The following CSRNP3 variants were observed in gnomAD, a reference collection of about 807,000 sequenced individuals.
CSRNP3 encodes the protein cysteine/serine-rich nuclear protein 3.
Under a neutral mutation model 48.0 loss-of-function variants are expected in CSRNP3, and 12 were observed. The ratio of observed to expected loss-of-function variants is 0.25; its 90% confidence interval spans 0.16 to 0.41. The LOEUF is 0.41. CSRNP3 is among the 10% of genes least tolerant of loss of function. CSRNP3 has a pLI of 1.00. For synonymous variants in CSRNP3, 263 were observed against 269.7 expected (o/e 0.98, Z 0.24); for missense variants, 580 against 724.4 (o/e 0.80, Z 2.29).
chr2:165,540,113 G>A (rs1390617314), intron 3 of CSRNP3, among the ~76,000 whole-genome samples: 1 of 152,096 alleles, frequency 6.6e-6, no homozygotes, highest in African/African-American at 2.4e-5. Context: ...CTGGATAGCA[G>A]AGTGCATGTC....
At chr2:165,518,733 C>A (rs1047615134) in intron 3 of CSRNP3, among the ~76,000 whole-genome samples, 3 of 151,880 alleles carry the variant, frequency 2.0e-5, no homozygotes, top group Admixed American at 6.6e-5. Flanking sequence ...AAAATGTGAT[C>A]TTTCATTTTG....
intron 3 of CSRNP3, among the ~76,000 whole-genome samples, chr2:165,546,745 A>G (rs1685035391): frequency 6.6e-6 from 1 of 152,202 alleles, no homozygotes; most frequent in Non-Finnish European, 1.5e-5. Context: ...AAAATAATAG[A>G]TACATATCTT....
chr2:165,655,816 A>C lies in CSRNP3; in HGVS notation c.149-1945A>C, dbSNP rs370392944. Among the ~76,000 whole-genome samples the C allele has an allele frequency of 3.2e-4, 48 of 152,236 alleles. No homozygotes were observed. In the East Asian group the frequency reaches 3.7e-3, roughly 12 times the overall value. ...CACGGTGTTCTTTCTGTGTCTCTTC[A>C]CATCATCTTCCCTCTACGCATGTCT... On this transcript the variant is annotated intron_variant, in intron 4 of 6. Coordinates refer to ENST00000651982, the MANE Select transcript of CSRNP3 (RefSeq NM_001172173.2).
intron 3 of CSRNP3, among the ~76,000 whole-genome samples, chr2:165,542,408 G>A (rs970249533): frequency 9.2e-5 from 14 of 152,164 alleles, no homozygotes; most frequent in Non-Finnish European, 1.8e-4. Flanking sequence ...GTCTGTACGT[G>A]TGTACGTATG....
At chr2:165,659,878 A>G (rs1302040471) in intron 5 of CSRNP3, among the ~76,000 whole-genome samples, 2 of 152,202 alleles carry the variant, frequency 1.3e-5, no homozygotes, top group Non-Finnish European at 2.9e-5. Flanking sequence ...TTTGCAATGT[A>G]TGTACGTGCC....
In CSRNP3 at chr2:165,529,207, G is replaced by A. The variant is rs751385663; in HGVS notation, c.-24+11246G>A. On this transcript the variant is annotated intron_variant, in intron 3 of 6. Coordinates refer to ENST00000651982, the MANE Select transcript of CSRNP3 (RefSeq NM_001172173.2). ...GGGGAACTGTTGGGAAGGCATAATT[G>A]GTTTTGAAATGTGAGGACATGAGAT... Among the ~76,000 whole-genome samples, 10 of 152,312 alleles carry A rather than the reference G, an allele frequency of 6.6e-5. No individual in the cohort carries two copies. The Middle Eastern group carries it at 0.024, about 363-fold the overall frequency.
chr2:165,505,147 A>G lies in CSRNP3; in HGVS notation c.-113+10219A>G, dbSNP rs149674787. On this transcript the variant is annotated intron_variant, in intron 2 of 6. Coordinates refer to ENST00000651982, the MANE Select transcript of CSRNP3 (RefSeq NM_001172173.2). ...CATTCTTCAAACAAAATGTTTCTTG[A>G]CAAGTAAGATCTGATTCTCAGTTTT... Among the ~76,000 whole-genome samples the G allele has an allele frequency of 3.8e-3, 575 of 152,246 alleles. 2 individuals carry two copies. Among genetic ancestry groups the G allele is most frequent in the African/African-American group, 0.013 (531 of 41,564 alleles).
chr2:165,577,295 T>C (rs113350964), intron 3 of CSRNP3, among the ~76,000 whole-genome samples: 299 of 151,948 alleles, frequency 2.0e-3, no homozygotes, highest in African/African-American at 6.8e-3. Flanking sequence ...ATTCTAGAAT[T>C]TACATAAAAT....
Position 165,679,568 on chromosome 2 carries a change from A to G in CSRNP3, c.1573A>G (p.Asn525Asp). ...TAGTTTATATCCTGAACACAGGTCC[A>G]ATCACCCTCAAGTGGAATTTCACTC... ...CNSLYPEHRS[N>D]HPQVEFHSYL... is the part of the protein sequence containing the mutation. The change falls in exon 7 of 7, where the codon AAT (asparagine) becomes GAT (aspartate). Residue 525 changes from asparagine (N) to aspartate (D), a missense_variant. Asn to Asp is a conservative substitution (Grantham distance 23). Coordinates refer to ENST00000651982, the MANE Select transcript of CSRNP3 (RefSeq NM_001172173.2). 5.6e-6 allele frequency: 9 copies of G among 1,613,954 alleles called. No homozygotes were observed. Among genetic ancestry groups the G allele is most frequent in the Non-Finnish European group, 7.6e-6 (9 of 1,179,960 alleles).
chr2:165,551,021 C>T (rs1685089442), intron 3 of CSRNP3, among the ~76,000 whole-genome samples: 1 of 151,812 alleles, frequency 6.6e-6, no homozygotes, highest in Admixed American at 6.6e-5. Flanking sequence ...TCTACTTTTC[C>T]TTACCTTTTT....
intron 1 of CSRNP3, among the ~76,000 whole-genome samples, chr2:165,486,188 G>A (rs893539687): frequency 9.9e-5 from 15 of 152,150 alleles, no homozygotes; most frequent in Non-Finnish European, 4.4e-5. Flanking sequence ...GGTGACGGAC[G>A]CACCTGGAAA....
chr2:165,554,826 A>G (rs760552879), intron 3 of CSRNP3, among the ~76,000 whole-genome samples: 1 of 152,084 alleles, frequency 6.6e-6, no homozygotes, highest in Non-Finnish European at 1.5e-5. Flanking sequence ...CACTGACTCT[A>G]TTTCACTCAG....
At chr2:165,587,453 G>GCCCCTTCA in intron 3 of CSRNP3, among the ~76,000 whole-genome samples, 1 of 152,342 alleles carries the variant, frequency 6.6e-6, no homozygotes, top group South Asian at 2.1e-4. Flanking sequence ...CTCCCTCTCG[G>GCCCCTTCA]CCTAATGGCC....
At chr2:165,677,681 C>T (rs1687449942) in intron 6 of CSRNP3, among the ~76,000 whole-genome samples, 1 of 151,878 alleles carries the variant, frequency 6.6e-6, no homozygotes, top group Admixed American at 6.6e-5. Context: ...TCTGCCTTCT[C>T]TTCTTTAGCA....
chr2:165,599,096 A>G (rs1685856827), intron 4 of CSRNP3, among the ~76,000 whole-genome samples: 1 of 151,666 alleles, frequency 6.6e-6, no homozygotes, highest in Non-Finnish European at 1.5e-5. Flanking sequence ...AAAATAGCCA[A>G]GTATGGTGGT....
intron 3 of CSRNP3, among the ~76,000 whole-genome samples, chr2:165,549,630 ACTTCT>A: frequency 6.6e-6 from 1 of 152,276 alleles, no homozygotes; most frequent in East Asian, 1.9e-4. Flanking sequence ...ACTGAAAGAC[ACTTCT>A]CTTCACTAAC....
chr2:165,624,525 T>G (rs1686396081), intron 4 of CSRNP3, among the ~76,000 whole-genome samples: 1 of 152,228 alleles, frequency 6.6e-6, no homozygotes, highest in African/African-American at 2.4e-5. Flanking sequence ...GGTACCCTGG[T>G]ACCTACACAG....
At chr2:165,568,870 G>A (rs13389777) in intron 3 of CSRNP3, among the ~76,000 whole-genome samples, 1,525 of 151,868 alleles carry the variant, frequency 0.01, 17 homozygotes, top group Non-Finnish European at 0.016. Flanking sequence ...TTTGACATTT[G>A]ATAAATTATT....
At chr2:165,478,967 C>T (rs1341853653) in intron 1 of CSRNP3, among the ~76,000 whole-genome samples, 5 of 152,044 alleles carry the variant, frequency 3.3e-5, no homozygotes, top group East Asian at 1.9e-4. Flanking sequence ...TATCCAAAAG[C>T]GAAGCTATTT....
Sources: allele counts gnomAD v4.1 joint callset (sites outside exome capture counted in the v4.1 genomes callset), GRCh38; gene constraint gnomAD v4.1.1; transcripts MANE v1.5; gene names NCBI Gene and HGNC (gene_info 2026-07-23, HGNC 2026-07-21).